The following PTPRT variants were observed in gnomAD, a reference collection of about 807,000 sequenced individuals.
PTPRT encodes the protein receptor-type tyrosine-protein phosphatase T.
A neutral mutation model predicts 176.8 loss-of-function variants in PTPRT; 56 were observed. That is an observed-to-expected ratio of 0.32 (90% CI 0.26 to 0.40). PTPRT has a LOEUF of 0.40. Ranked by LOEUF, PTPRT falls within the 10% of genes least tolerant of loss-of-function variation. The pLI is 1.00. For missense variants in PTPRT, 1,540 were observed against 1,908.2 expected, an observed-to-expected ratio of 0.81 and a Z score of 3.60; for synonymous variants, 783 against 739.0, an observed-to-expected ratio of 1.06 and a Z score of -0.96.
intron 25 of PTPRT, 27 bp from the exon 26 acceptor site, chr20:42,102,324 G>A (rs748687107): frequency 1.9e-6 from 3 of 1,600,008 alleles, no homozygotes; most frequent in Non-Finnish European, 2.6e-6. Flanking sequence ...TGAATAGATA[G>A]GCCCTGCTCA....
chr20:42,607,088 C>G (rs1456844866), intron 7 of PTPRT, among the ~76,000 whole-genome samples: 1 of 151,930 alleles, frequency 6.6e-6, no homozygotes, highest in African/African-American at 2.4e-5. Context: ...AAGTCAATCG[C>G]AAAAAGAGAA....
At chr20:42,216,857 G>C (rs1251365549) in intron 15 of PTPRT, among the ~76,000 whole-genome samples, 1 of 152,172 alleles carries the variant, frequency 6.6e-6, no homozygotes, top group Non-Finnish European at 1.5e-5. Flanking sequence ...TCTCAGACTT[G>C]AGTGTGCATC....
chr20:42,155,645 C>T (rs1989318426), intron 17 of PTPRT, among the ~76,000 whole-genome samples: 1 of 152,138 alleles, frequency 6.6e-6, no homozygotes, highest in African/African-American at 2.4e-5. Flanking sequence ...CAAGATAGTT[C>T]ATACATTATT....
chr20:42,630,923 T>C (rs1454862112), intron 7 of PTPRT, among the ~76,000 whole-genome samples: 2 of 152,158 alleles, frequency 1.3e-5, no homozygotes, highest in Non-Finnish European at 2.9e-5. Context: ...TGAAGTCTCT[T>C]CTACCATGGT....
At chr20:42,868,053 G>T (rs932760571) in intron 2 of PTPRT, among the ~76,000 whole-genome samples, 3 of 152,146 alleles carry the variant, frequency 2.0e-5, no homozygotes, top group African/African-American at 7.2e-5. Context: ...ATACCGAGAA[G>T]TAGAGTGTTG....
At chr20:42,094,205 A>C (rs1052100694) in intron 27 of PTPRT, among the ~76,000 whole-genome samples, 2 of 152,178 alleles carry the variant, frequency 1.3e-5, no homozygotes, top group African/African-American at 4.8e-5. Flanking sequence ...AGAAGAGCAA[A>C]CAGGGTTTTG....
At chr20:42,663,339 C>A (rs1438755812) in intron 7 of PTPRT, among the ~76,000 whole-genome samples, 1 of 152,128 alleles carries the variant, frequency 6.6e-6, no homozygotes, top group Non-Finnish European at 1.5e-5. Flanking sequence ...GTTGAAAGGA[C>A]TTTTAAAGTC....
chr20:42,763,373 A>C (rs936834535), intron 5 of PTPRT, among the ~76,000 whole-genome samples: 1 of 152,240 alleles, frequency 6.6e-6, no homozygotes, highest in Non-Finnish European at 1.5e-5. Flanking sequence ...TTTGCACAAC[A>C]GATACTATGC....
intron 6 of PTPRT, among the ~76,000 whole-genome samples, chr20:42,744,642 T>C (rs1436659010): frequency 6.6e-6 from 1 of 151,666 alleles, no homozygotes; most frequent in East Asian, 1.9e-4. Flanking sequence ...AACACAATAA[T>C]AGTTTATTAT....
chr20:43,018,786 A>C (rs1985499320), intron 1 of PTPRT, among the ~76,000 whole-genome samples: 1 of 152,262 alleles, frequency 6.6e-6, no homozygotes, highest in African/African-American at 2.4e-5. Flanking sequence ...CTTCAAGTTA[A>C]ACTGATACAC....
intron 9 of PTPRT, among the ~76,000 whole-genome samples, chr20:42,414,433 T>TA (rs1167789161): frequency 6.6e-6 from 1 of 152,200 alleles, no homozygotes; most frequent in East Asian, 1.9e-4. Flanking sequence ...GAGACTGAAA[T>TA]AAAAGGTATG....
At position 42,108,765 on chromosome 20, in the gene PTPRT, A is replaced by G. The variant is rs1484863334; in HGVS notation, c.3254+1568T>C. Among the ~76,000 whole-genome samples, 6 of 151,304 alleles carry G rather than the reference A, an allele frequency of 4.0e-5. No individual in the cohort carries two copies. In the South Asian group the frequency reaches 8.3e-4, roughly 21 times the overall value. On this transcript the variant is annotated intron_variant, in intron 23 of 30. Transcript: ENST00000373187. Reference sequence around the variant, plus strand: ...AATGATATATTAGAGTGCTTACTATATGTCAGGCATTCTCTCTTAGGCACT... The same window carrying G: ...AATGATATATTAGAGTGCTTACTATGTGTCAGGCATTCTCTCTTAGGCACT...
intron 9 of PTPRT, among the ~76,000 whole-genome samples, chr20:42,410,524 G>C (rs1009788395): frequency 6.6e-6 from 1 of 151,910 alleles, no homozygotes; most frequent in African/African-American, 2.4e-5. Flanking sequence ...AACAAGTAGA[G>C]GGAAAATTAT....
intron 7 of PTPRT, among the ~76,000 whole-genome samples, chr20:42,579,014 C>T (rs939664091): frequency 6.6e-6 from 1 of 151,186 alleles, no homozygotes; most frequent in Non-Finnish European, 1.5e-5. Context: ...CCCATTAACT[C>T]GTCATTTAAC....
chr20:42,528,910 A>G (rs1448388575), intron 7 of PTPRT, among the ~76,000 whole-genome samples: 1 of 152,232 alleles, frequency 6.6e-6, no homozygotes, highest in African/African-American at 2.4e-5. Flanking sequence ...GCTGCTAGAA[A>G]GTGCATCTCA....
At chr20:42,705,305 TG>T (rs1320535628) in intron 6 of PTPRT, among the ~76,000 whole-genome samples, 1 of 152,016 alleles carries the variant, frequency 6.6e-6, no homozygotes, top group Non-Finnish European at 1.5e-5. Flanking sequence ...TGGGTGCAAG[TG>T]GGCTGAGTCC....
chr20:42,646,993 C>G (rs573820606), intron 7 of PTPRT, among the ~76,000 whole-genome samples: 1 of 144,098 alleles, frequency 6.9e-6, no homozygotes, highest in Non-Finnish European at 1.5e-5. Flanking sequence ...CTACTGGGCT[C>G]GAGCAATCCT....
intron 1 of PTPRT, among the ~76,000 whole-genome samples, chr20:43,079,570 G>A (rs1045078884): frequency 6.6e-6 from 1 of 152,052 alleles, no homozygotes; most frequent in African/African-American, 2.4e-5. Context: ...ACCCTTTAGA[G>A]TTTCTCCAGG....
the PTPRT span, among the ~76,000 whole-genome samples, chr20:42,056,396 G>A: frequency 6.6e-6 from 1 of 152,190 alleles, no homozygotes; most frequent in African/African-American, 2.4e-5. Context: ...GAGCATTGTG[G>A]AGGCATGAAA....
Sources: allele counts gnomAD v4.1 joint callset (sites outside exome capture counted in the v4.1 genomes callset), GRCh38; gene constraint gnomAD v4.1.1; transcripts MANE v1.5; gene names NCBI Gene and HGNC (gene_info 2026-07-23, HGNC 2026-07-21).